Variants in DNAJC5 observed in about 807,000 individuals in gnomAD.
The protein encoded by DNAJC5 is DnaJ heat shock protein family (Hsp40) member C5.
DNAJC5 carries 1 observed loss-of-function variant against 23.2 expected under a neutral mutation model. The ratio of observed to expected loss-of-function variants is 0.04; its 90% CI spans 0.02 to 0.20. The LOEUF is 0.20. DNAJC5 is among the 10% of genes least tolerant of loss of function. The pLI, the probability that DNAJC5 is intolerant of heterozygous loss-of-function variation, is 1.00. For missense variants in DNAJC5, 180 were observed against 267.0 expected, an observed-to-expected ratio of 0.67 and a Z score of 2.27; for synonymous variants, 136 against 120.0, an observed-to-expected ratio of 1.13 and a Z score of -0.87.
intron 1 of DNAJC5, among the ~76,000 whole-genome samples, chr20:63,922,799 T>C (rs934974392): frequency 2.0e-5 from 3 of 151,666 alleles, no homozygotes; most frequent in Non-Finnish European, 4.4e-5. Context: ...AAAATGGTGT[T>C]TTACCTAGGT....
chr20:63,899,945 A>T (rs1371405082), intron 1 of DNAJC5, among the ~76,000 whole-genome samples: 1 of 133,204 alleles, frequency 7.5e-6, no homozygotes, highest in African/African-American at 2.9e-5. Context: ...CTTGAGTACA[A>T]CGGTACGGTT....
At chr20:63,914,721 T>G (rs1168066473) in intron 1 of DNAJC5, among the ~76,000 whole-genome samples, 1 of 151,318 alleles carries the variant, frequency 6.6e-6, no homozygotes, top group African/African-American at 2.4e-5. Context: ...GTTCAAACGA[T>G]TCTTCTGCTT....
At chr20:63,922,022 A>G (rs977463503) in intron 1 of DNAJC5, among the ~76,000 whole-genome samples, 4 of 151,976 alleles carry the variant, frequency 2.6e-5, no homozygotes, top group Admixed American at 2.0e-4. Flanking sequence ...CAGGTGATTC[A>G]ACCACCTCAG....
chr20:63,924,108 A>G (rs901521490), intron 1 of DNAJC5, among the ~76,000 whole-genome samples: 2 of 152,200 alleles, frequency 1.3e-5, no homozygotes, highest in Admixed American at 1.3e-4. Flanking sequence ...CTTGAAATCA[A>G]TAGGGTAAAT....
chr20:63,921,634 C>T (rs2053573834), intron 1 of DNAJC5, among the ~76,000 whole-genome samples: 1 of 152,122 alleles, frequency 6.6e-6, no homozygotes. Context: ...GGAACTTAGC[C>T]CTCCAGAAAT....
At chr20:63,901,635 A>C (rs1345274674) in intron 1 of DNAJC5, among the ~76,000 whole-genome samples, 1 of 152,236 alleles carries the variant, frequency 6.6e-6, no homozygotes, top group Non-Finnish European at 1.5e-5. Context: ...GAGTGACTGC[A>C]GCTCAGCAGA....
In DNAJC5 at chr20:63,920,413, A is replaced by G. The variant is rs1469301080; in HGVS notation, c.-11-7922A>G. Among the ~76,000 whole-genome samples, 4 of 146,486 alleles carry G rather than the reference A, an allele frequency of 2.7e-5. No homozygotes were observed. The highest frequency in any genetic ancestry group is 2.2e-4 in the East Asian group (1 of 4,574). On this transcript the variant is annotated intron_variant, in intron 1 of 4. Transcript: ENST00000360864. This position sits in a 1 kb window ranked among gnomAD's most constrained non-coding sequence, Gnocchi z 4.6. Reference sequence around the variant, plus strand: ...GCGTCAGCAGGGCTCTCGTCCGCCAACGTCTGGTGGGGATGCCCGCCATGC... The same window carrying G: ...GCGTCAGCAGGGCTCTCGTCCGCCAGCGTCTGGTGGGGATGCCCGCCATGC...
intron 1 of DNAJC5, among the ~76,000 whole-genome samples, chr20:63,913,718 T>A (rs1234648802): frequency 6.6e-6 from 1 of 152,040 alleles, no homozygotes; most frequent in Non-Finnish European, 1.5e-5. Context: ...ACAGTAGGGA[T>A]TGCGGGCACC....
chr20:63,930,589 C>T (rs547183608), intron 3 of DNAJC5, among the ~76,000 whole-genome samples: 6 of 152,312 alleles, frequency 3.9e-5, no homozygotes, highest in East Asian at 1.9e-4. Flanking sequence ...CCTCGTGATC[C>T]GCCAGCCTCG....
rs2053563421 is a variant in DNAJC5, at chr20:63,920,685, T to G, written c.-11-7650T>G. 6.6e-6 allele frequency among the ~76,000 whole-genome samples: 1 copy of G among 152,216 alleles called. No homozygotes were observed. The highest frequency in any genetic ancestry group is 2.1e-4 in the South Asian group (1 of 4,834). On this transcript the variant is annotated intron_variant, in intron 1 of 4. Coordinates refer to ENST00000360864, the MANE Select transcript of DNAJC5 (RefSeq NM_025219.3). This position sits in a 1 kb window ranked among gnomAD's most constrained non-coding sequence, Gnocchi z 4.6. The stretch of plus-strand genomic sequence containing the variant: ...TTTTAATTTTTAATTTTTATTTATT[T>G]ATTTATTTTTGAGACTGAGTCTGAC...
intron 1 of DNAJC5, among the ~76,000 whole-genome samples, chr20:63,902,358 C>CTTTT (rs34309020): frequency 1.7e-4 from 14 of 83,322 alleles, no homozygotes; most frequent in Non-Finnish European, 1.9e-4. Context: ...CTGGCCTCAT[C>CTTTT]TTTTTTTTTT....
intron 1 of DNAJC5, among the ~76,000 whole-genome samples, chr20:63,914,920 T>A (rs1489241565): frequency 6.6e-6 from 1 of 151,824 alleles, no homozygotes; most frequent in East Asian, 1.9e-4. Context: ...CCGGCCAGAG[T>A]GTGTAGCTTT....
chr20:63,931,824 T>C lies in DNAJC5; in HGVS notation c.*256T>C. On this transcript the variant is annotated 3_prime_UTR_variant, in exon 5 of 5. Transcript: ENST00000360864. This position sits in a 1 kb window ranked among gnomAD's most constrained non-coding sequence, Gnocchi z 9.6. ...AGCATGTATGGGGTTCTGTTCCATG[T>C]CTGTGTTGTGGACATTCCGCGGCAT... The C allele has an allele frequency of 1.8e-6, 1 of 541,626 alleles. No individual in the cohort carries two copies. Among genetic ancestry groups the C allele is most frequent in the South Asian group, 2.0e-5 (1 of 51,056 alleles). 33.6% of individuals were successfully genotyped at this position (541,626 alleles called of 1,614,324 possible). A position where few individuals can be genotyped will look rare whatever the true frequency, so the allele number is the denominator to read the frequency against.
chr20:63,918,060 A>C (rs1031225233), intron 1 of DNAJC5, among the ~76,000 whole-genome samples: 3 of 152,220 alleles, frequency 2.0e-5, no homozygotes, highest in Non-Finnish European at 2.9e-5. Flanking sequence ...GTTCCAAGCA[A>C]CTTGGTGGTA....
At chr20:63,895,584 G>A (rs1354482001) in intron 1 of DNAJC5, among the ~76,000 whole-genome samples, 1 of 151,240 alleles carries the variant, frequency 6.6e-6, no homozygotes, top group Non-Finnish European at 1.5e-5. Context: ...CGTGGTGGGG[G>A]CTGGGGCGGC....
At chr20:63,901,824 A>G (rs921746510) in intron 1 of DNAJC5, among the ~76,000 whole-genome samples, 2 of 152,186 alleles carry the variant, frequency 1.3e-5, no homozygotes, top group Non-Finnish European at 2.9e-5. Flanking sequence ...TAACGAAGGA[A>G]ATTCTGGGTC....
intron 1 of DNAJC5, among the ~76,000 whole-genome samples, chr20:63,925,887 G>T (rs1420847779): frequency 1.3e-5 from 2 of 150,374 alleles, no homozygotes; most frequent in Non-Finnish European, 3.0e-5. Context: ...GAGTGCAGTG[G>T]TGCGATCTCT....
intron 1 of DNAJC5, among the ~76,000 whole-genome samples, chr20:63,907,378 C>T (rs2146277108): frequency 6.6e-6 from 1 of 152,316 alleles, no homozygotes; most frequent in Non-Finnish European, 1.5e-5. Context: ...TAATAGCTAA[C>T]ATTAACTGTG....
chr20:63,924,021 A>G (rs2053591725), intron 1 of DNAJC5, among the ~76,000 whole-genome samples: 1 of 151,840 alleles, frequency 6.6e-6, no homozygotes, highest in Non-Finnish European at 1.5e-5. Flanking sequence ...ATCTATCTGA[A>G]CTCGATTCTG....
Sources: allele counts gnomAD v4.1 joint callset (sites outside exome capture counted in the v4.1 genomes callset), GRCh38; gene constraint gnomAD v4.1.1; non-coding constraint Gnocchi (gnomAD v3.1); transcripts MANE v1.5; gene names NCBI Gene and HGNC (gene_info 2026-07-23, HGNC 2026-07-21).